The following CENPP variants were observed in gnomAD, a reference collection of about 807,000 sequenced individuals.
The protein encoded by CENPP is centromere protein P.
In CENPP, 24 loss-of-function variants were observed where a neutral mutation model predicts 35.6. The ratio of observed to expected loss-of-function variants is 0.67; its 90% CI spans 0.49 to 0.95. CENPP has a LOEUF of 0.95. Among genes scored for constraint, CENPP ranks in the 40% least tolerant of loss-of-function variants. The pLI is 0.00. For missense variants in CENPP, 332 were observed against 345.3 expected, an observed-to-expected ratio of 0.96 and a Z score of 0.31; for synonymous variants, 120 against 125.5, an observed-to-expected ratio of 0.96 and a Z score of 0.29.
At position 92,619,293 on chromosome 9, in the gene CENPP, CTT is replaced by C; in HGVS notation, c.*6147_*6148del. ...TTTAAGTTATTCTCCATAAATCTGT[CTT>C]TTGACTGAATTACAAGCTTCTAGAG... On this transcript the variant is annotated 3_prime_UTR_variant, in exon 8 of 8. Coordinates refer to ENST00000375587, the MANE Select transcript of CENPP (RefSeq NM_001012267.3). 4 of 570,084 alleles carry C rather than the reference CTT, an allele frequency of 7.0e-6. No homozygotes were observed. The highest frequency in any genetic ancestry group is 2.9e-5 in the Admixed American group (1 of 34,038). The allele number at this position is 570,084 out of a possible 1,614,324, so 35.3% of individuals were successfully genotyped here. A position where few individuals can be genotyped will look rare whatever the true frequency, so the allele number is the denominator to read the frequency against.
intron 5 of CENPP, among the ~76,000 whole-genome samples, chr9:92,546,326 C>T (rs1241237119): frequency 6.6e-6 from 1 of 152,216 alleles, no homozygotes. Flanking sequence ...TGACAACCCA[C>T]CAGAGGTCCC....
At chr9:92,551,940 T>TGATATATATATATG (rs368870400) in intron 5 of CENPP, among the ~76,000 whole-genome samples, 15 of 113,386 alleles carry the variant, frequency 1.3e-4, no homozygotes, top group Admixed American at 1.1e-3. Context: ...TATATATATA[T>TGATATATATATATG]ATATATATAT....
chr9:92,392,022 T>G (rs1413806991), intron 5 of CENPP, among the ~76,000 whole-genome samples: 1 of 151,928 alleles, frequency 6.6e-6, no homozygotes, highest in Non-Finnish European at 1.5e-5. Flanking sequence ...TCGGTGTGAT[T>G]TTTTTCAGAA....
At chr9:92,375,048 T>G (rs905400659) in intron 4 of CENPP, among the ~76,000 whole-genome samples, 9 of 152,232 alleles carry the variant, frequency 5.9e-5, no homozygotes, top group Admixed American at 4.6e-4. Context: ...TTATCCTATT[T>G]GCAGTTTATG....
chr9:92,534,824 A>C (rs142462617), intron 5 of CENPP, among the ~76,000 whole-genome samples: 1 of 152,342 alleles, frequency 6.6e-6, no homozygotes, highest in East Asian at 1.9e-4. Flanking sequence ...TCTGCAATGC[A>C]TGAAATGTAT....
At chr9:92,419,779 C>T (rs919461305) in intron 5 of CENPP, among the ~76,000 whole-genome samples, 2 of 152,016 alleles carry the variant, frequency 1.3e-5, no homozygotes, top group African/African-American at 4.8e-5. Flanking sequence ...CTTTTCCCAC[C>T]CAGGGTTTCA....
chr9:92,385,696 C>T (rs780107933), intron 5 of CENPP: 9 of 1,614,066 alleles, frequency 5.6e-6, no homozygotes, highest in Admixed American at 5.0e-5. Flanking sequence ...GATTGGATTG[C>T]CCTCCAGGCG....
At chr9:92,408,317 C>T (rs1048107299) in intron 5 of CENPP, among the ~76,000 whole-genome samples, 1 of 152,182 alleles carries the variant, frequency 6.6e-6, no homozygotes, top group Non-Finnish European at 1.5e-5. Flanking sequence ...TCCTGAGTAG[C>T]TGGGACTACA....
intron 5 of CENPP, among the ~76,000 whole-genome samples, chr9:92,605,296 T>C (rs1851045249): frequency 1.3e-5 from 2 of 152,268 alleles, no homozygotes; most frequent in Non-Finnish European, 2.9e-5. Flanking sequence ...GCCCCTTACA[T>C]TTCTATGTAT....
chr9:92,403,679 A>G (rs985449934), intron 5 of CENPP: 2 of 1,034,438 alleles, frequency 1.9e-6, no homozygotes, highest in South Asian at 9.4e-5. Flanking sequence ...TCAGAAATTC[A>G]AGAAAGATTG....
At chr9:92,584,416 A>G (rs531159247) in intron 5 of CENPP, among the ~76,000 whole-genome samples, 16 of 152,278 alleles carry the variant, frequency 1.1e-4, no homozygotes, top group East Asian at 9.7e-4. Context: ...TGGCACCATC[A>G]CGGCTCACTG....
chr9:92,561,525 A>G (rs867977708), intron 5 of CENPP, among the ~76,000 whole-genome samples: 4 of 152,236 alleles, frequency 2.6e-5, no homozygotes, highest in African/African-American at 9.6e-5. Context: ...GCAAGAGTTC[A>G]GGAAGAGTTT....
intron 4 of CENPP, among the ~76,000 whole-genome samples, chr9:92,364,232 T>C (rs1314019756): frequency 1.3e-5 from 2 of 151,728 alleles, no homozygotes; most frequent in Non-Finnish European, 2.9e-5. Flanking sequence ...GGGGTCTCAC[T>C]ATGTGACCCA....
chr9:92,472,022 A>T (rs1845539273), intron 5 of CENPP, among the ~76,000 whole-genome samples: 2 of 152,180 alleles, frequency 1.3e-5, no homozygotes, highest in Non-Finnish European at 2.9e-5. Context: ...GAATATCAAC[A>T]TTCTATCCTA....
Position 92,522,727 on chromosome 9 carries a change from T to C in CENPP, c.565-88587T>C, listed in dbSNP as rs1216617862. Reference sequence around the variant, plus strand: ...AATTCCAAGCTGTCTGTTTGATCTGTGCTTGTGTGAGGTTGAACTTTTCCT... The same window carrying C: ...AATTCCAAGCTGTCTGTTTGATCTGCGCTTGTGTGAGGTTGAACTTTTCCT... On this transcript the variant is annotated intron_variant, in intron 5 of 7. Transcript: ENST00000375587. 4 of 1,614,202 alleles carry C rather than the reference T, an allele frequency of 2.5e-6. No individual in the cohort carries two copies. The highest frequency in any genetic ancestry group is 3.3e-4 in the Middle Eastern group (2 of 6,060).
intron 5 of CENPP, among the ~76,000 whole-genome samples, chr9:92,420,610 T>C (rs540384265): frequency 3.3e-5 from 5 of 152,216 alleles, no homozygotes; most frequent in Non-Finnish European, 5.9e-5. Context: ...TAATACCTTA[T>C]TCCCCATTAT....
intron 5 of CENPP, among the ~76,000 whole-genome samples, chr9:92,568,041 T>C (rs1318037597): frequency 3.9e-5 from 6 of 152,154 alleles, no homozygotes; most frequent in Non-Finnish European, 7.4e-5. Context: ...GCTCTCCAAT[T>C]AAAAGACAAG....
At chr9:92,393,720 A>G (rs919679506) in intron 5 of CENPP, among the ~76,000 whole-genome samples, 1 of 152,116 alleles carries the variant, frequency 6.6e-6, no homozygotes, top group Admixed American at 6.6e-5. Context: ...TTTACTTGTC[A>G]TACCTCTTGG....
In CENPP at chr9:92,615,571, C is replaced by T. The variant is rs771825963; in HGVS notation, c.*2422C>T. ...GTTGGGAAAGAAGAACTATCCAGAA[C>T]GTCTTCCCAGGGCTTAACGGACACT... On this transcript the variant is annotated 3_prime_UTR_variant, in exon 8 of 8. Transcript: ENST00000375587. The T allele has an allele frequency of 1.6e-4, 72 of 441,022 alleles. No individual in the cohort carries two copies. In the Middle Eastern group the frequency reaches 3.3e-3, roughly 20 times the overall value. The allele number at this position is 441,022 out of a possible 1,614,324, so 27.3% of individuals were successfully genotyped here.
Sources: allele counts gnomAD v4.1 joint callset (sites outside exome capture counted in the v4.1 genomes callset), GRCh38; gene constraint gnomAD v4.1.1; transcripts MANE v1.5; gene names NCBI Gene and HGNC (gene_info 2026-07-23, HGNC 2026-07-21).